The following RYR3 variants were observed in gnomAD, a reference collection of about 807,000 sequenced individuals.
RYR3 encodes brain ryanodine receptor-calcium release channel.
Under a neutral mutation model 584.3 loss-of-function variants are expected in RYR3, and 207 were observed. That is an observed-to-expected ratio of 0.35 (90% CI 0.32 to 0.40). The LOEUF (loss-of-function observed/expected upper bound fraction) is 0.40, where lower values mean the gene tolerates loss of function less well. Among genes scored for constraint, RYR3 ranks in the 10% least tolerant of loss-of-function variants. RYR3 has a pLI of 1.00. For missense variants in RYR3, 5,616 were observed against 6,089.2 expected (o/e 0.92, Z 2.59); for synonymous variants, 2,416 against 2,248.5 (o/e 1.07, Z -2.11).
chr15:33,469,443 G>T (rs2048747120), intron 1 of RYR3, among the ~76,000 whole-genome samples: 1 of 152,016 alleles, frequency 6.6e-6, no homozygotes, highest in African/African-American at 2.4e-5. Context: ...AGGGAAGAAT[G>T]CTTTGGGTCA....
At chr15:33,560,775 A>G (rs2057357834) in intron 10 of RYR3, among the ~76,000 whole-genome samples, 1 of 152,246 alleles carries the variant, frequency 6.6e-6, no homozygotes. Flanking sequence ...TGAATTGCCT[A>G]TAAAGAAAAT....
chr15:33,800,591 C>T (rs1317730638), intron 67 of RYR3, among the ~76,000 whole-genome samples, 179 bp from the exon 68 acceptor site: 3 of 152,150 alleles, frequency 2.0e-5, no homozygotes, highest in African/African-American at 7.2e-5. Context: ...TAATTATGTA[C>T]CTATATCTGA....
At chr15:33,735,092 A>G (rs2069327115) in intron 48 of RYR3, among the ~76,000 whole-genome samples, 1 of 152,236 alleles carries the variant, frequency 6.6e-6, no homozygotes, top group Non-Finnish European at 1.5e-5. Context: ...TAGATGTAGC[A>G]GGCAAACTGA....
chr15:33,416,675 C>A (rs1477435228), intron 1 of RYR3, among the ~76,000 whole-genome samples: 1 of 152,130 alleles, frequency 6.6e-6, no homozygotes, highest in East Asian at 1.9e-4. Flanking sequence ...TTTTGCTGGG[C>A]AGAAGCTCTT....
At chr15:33,836,096 A>G (rs2078024788) in intron 87 of RYR3, among the ~76,000 whole-genome samples, 1 of 147,446 alleles carries the variant, frequency 6.8e-6, no homozygotes, top group Non-Finnish European at 1.5e-5. Context: ...GCAAAGAGCT[A>G]TGGTTGGGTT....
chr15:33,850,168 C>T (rs540486746), intron 94 of RYR3: 2 of 152,074 alleles, frequency 1.3e-5, no homozygotes, highest in South Asian at 4.2e-4. Context: ...TTCATGAGGT[C>T]AGGAGTTCGA....
chr15:33,551,386 G>T (rs2056661822), intron 10 of RYR3, among the ~76,000 whole-genome samples: 2 of 152,212 alleles, frequency 1.3e-5, no homozygotes, highest in Admixed American at 6.5e-5. Flanking sequence ...AGGACTAGGT[G>T]TGAGGCTGAC....
intron 2 of RYR3, among the ~76,000 whole-genome samples, chr15:33,478,397 T>C (rs2049629484): frequency 6.6e-6 from 1 of 152,162 alleles, no homozygotes; most frequent in Non-Finnish European, 1.5e-5. Context: ...CCAATATATC[T>C]GTAACAATTC....
At chr15:33,533,285 C>A (rs369589546) in intron 4 of RYR3, 26 bp from the exon 5 acceptor site, 5 of 1,511,644 alleles carry the variant, frequency 3.3e-6, no homozygotes, top group Non-Finnish European at 3.6e-6. Context: ...AGTGTGACTT[C>A]ACTAGTATTT....
intron 18 of RYR3, among the ~76,000 whole-genome samples, chr15:33,612,331 C>T (rs556017048): frequency 1.4e-3 from 206 of 152,240 alleles, no homozygotes; most frequent in Admixed American, 2.3e-3. Flanking sequence ...TTCTTTAAAA[C>T]AAATAAGCAA....
Position 33,757,591 on chromosome 15 carries a change from G to A in RYR3, c.8700G>A (p.Val2900=). Residue 2900 remains valine (V), a synonymous_variant, in exon 60 of 104, where the codon GTG becomes GTA. Transcript: ENST00000634891. ...GYASHKEKEM[V]AGLFCKLAAL... is the part of the protein sequence containing the mutation. ...CCTCCCATAAGGAGAAAGAAATGGT[G>A]GCCGGGTGAGTCTACAAGATAAAGG... 1 of 1,610,082 alleles carries A rather than the reference G, an allele frequency of 6.2e-7. No homozygotes were observed. Among genetic ancestry groups the A allele is most frequent in the Non-Finnish European group, 8.5e-7 (1 of 1,178,418 alleles).
intron 12 of RYR3, among the ~76,000 whole-genome samples, chr15:33,574,803 C>G (rs758948895): frequency 1.1e-4 from 17 of 152,088 alleles, no homozygotes; most frequent in Non-Finnish European, 2.5e-4. Flanking sequence ...AGAAGCCGTG[C>G]TAAATGCTCC....
intron 93 of RYR3, among the ~76,000 whole-genome samples, chr15:33,845,945 T>C (rs1193749136): frequency 1.3e-5 from 2 of 152,230 alleles, no homozygotes; most frequent in African/African-American, 4.8e-5. Context: ...TCCTCTGTTC[T>C]ATGTAAAGGC....
At chr15:33,786,407 C>T (rs1218619543) in intron 66 of RYR3, among the ~76,000 whole-genome samples, 1 of 152,130 alleles carries the variant, frequency 6.6e-6, no homozygotes, top group African/African-American at 2.4e-5. Flanking sequence ...CTTACTGTCA[C>T]TCTGCATTTG....
chr15:33,756,959 G>A (rs2071898026), intron 59 of RYR3, among the ~76,000 whole-genome samples: 1 of 152,142 alleles, frequency 6.6e-6, no homozygotes, highest in Non-Finnish European at 1.5e-5. Context: ...TACGTTTTCT[G>A]CCTGGGTGGC....
chr15:33,720,896 C>G (rs181911840), intron 43 of RYR3, among the ~76,000 whole-genome samples: 1 of 152,094 alleles, frequency 6.6e-6, no homozygotes, highest in East Asian at 1.9e-4. Context: ...ATGCTTTACT[C>G]ACAACACTTC....
chr15:33,593,460 CA>C (rs1467313845), intron 16 of RYR3, among the ~76,000 whole-genome samples: 2 of 152,048 alleles, frequency 1.3e-5, no homozygotes, highest in Non-Finnish European at 2.9e-5. Flanking sequence ...AAACAATGAA[CA>C]AAAGAACAAT....
chr15:33,660,386 C>T lies in RYR3; in HGVS notation c.4585C>T (p.Leu1529=), dbSNP rs772843644. ...CTGGGTGGTGCAGTGCCTGGAGCCC[C>T]TGCAGATGATGGCGCTCCACATCCC... ...HGWVVQCLEP[L]QMMALHIPEE... is the part of the protein sequence containing the mutation. Residue 1529 remains leucine, a synonymous_variant, in exon 34 of 104, where the codon CTG becomes TTG. Coordinates refer to ENST00000634891, the MANE Select transcript of RYR3 (RefSeq NM_001036.6). The T allele has an allele frequency of 1.9e-6, 3 of 1,581,530 alleles. No homozygotes were observed. In the South Asian group the frequency reaches 3.5e-5, roughly 18 times the overall value.
chr15:33,384,529 T>A (rs1011744570), intron 1 of RYR3, among the ~76,000 whole-genome samples: 12 of 146,134 alleles, frequency 8.2e-5, no homozygotes, highest in Middle Eastern at 3.6e-3. Flanking sequence ...TATAATAATA[T>A]TAATTTAATT....
Sources: allele counts gnomAD v4.1 joint callset (sites outside exome capture counted in the v4.1 genomes callset), GRCh38; gene constraint gnomAD v4.1.1; transcripts MANE v1.5; gene names NCBI Gene and HGNC (gene_info 2026-07-23, HGNC 2026-07-21).